Variants in PTPRK observed in about 807,000 individuals in gnomAD.
PTPRK encodes protein tyrosine phosphatase receptor type K.
Under a neutral mutation model 178.0 loss-of-function variants are expected in PTPRK, and 75 were observed. That is an observed-to-expected ratio of 0.42 (90% CI 0.35 to 0.51). The LOEUF (loss-of-function observed/expected upper bound fraction) is 0.51, where lower values mean the gene tolerates loss of function less well. Among genes scored for constraint, PTPRK ranks in the 20% least tolerant of loss-of-function variants. The pLI is 0.02. For missense variants in PTPRK, 1,441 were observed against 1,797.8 expected, an observed-to-expected ratio of 0.80 and a Z score of 3.59; for synonymous variants, 637 against 620.6, an observed-to-expected ratio of 1.03 and a Z score of -0.39.
intron 3 of PTPRK, among the ~76,000 whole-genome samples, chr6:128,276,633 A>G (rs1460933903): frequency 6.6e-6 from 1 of 152,190 alleles, no homozygotes; most frequent in African/African-American, 2.4e-5. Flanking sequence ...GTGATTCAGT[A>G]AAACAATTCC....
At chr6:128,276,334 T>A (rs971374682) in intron 3 of PTPRK, among the ~76,000 whole-genome samples, 22 of 152,138 alleles carry the variant, frequency 1.4e-4, no homozygotes, top group Non-Finnish European at 2.9e-4. Flanking sequence ...ATCATTCTTT[T>A]CTCATTATCC....
At chr6:128,316,709 C>CT (rs11296650) in intron 3 of PTPRK, among the ~76,000 whole-genome samples, 21 of 133,472 alleles carry the variant, frequency 1.6e-4, no homozygotes, top group African/African-American at 3.6e-4. Context: ...TAAGCTTTTT[C>CT]TTTTTTTTTT....
intron 1 of PTPRK, among the ~76,000 whole-genome samples, chr6:128,413,037 A>G (rs551461511): frequency 1.3e-5 from 2 of 152,288 alleles, no homozygotes; most frequent in East Asian, 1.9e-4. Flanking sequence ...TGTGTAATAA[A>G]TATTTTTAAC....
chr6:128,373,554 C>T (rs1044448018), intron 2 of PTPRK, among the ~76,000 whole-genome samples: 5 of 152,158 alleles, frequency 3.3e-5, no homozygotes, highest in Admixed American at 1.3e-4. Flanking sequence ...CAGCCAGCTT[C>T]GAGAACCAGT....
chr6:128,491,721 T>TC (rs1562630284), intron 1 of PTPRK: 1 of 501,308 alleles, frequency 2.0e-6, no homozygotes, highest in South Asian at 1.5e-5. Flanking sequence ...TCATTTTTTT[T>TC]CTCTTGTTAC....
intron 13 of PTPRK, among the ~76,000 whole-genome samples, chr6:128,022,535 G>A (rs1773682335): frequency 1.3e-5 from 2 of 152,200 alleles, no homozygotes; most frequent in African/African-American, 4.8e-5. Context: ...ATTCCTAAAA[G>A]CCAGTTTCTA....
intron 1 of PTPRK, among the ~76,000 whole-genome samples, chr6:128,441,155 A>G (rs1846230451): frequency 6.6e-6 from 1 of 152,218 alleles, no homozygotes; most frequent in African/African-American, 2.4e-5. Flanking sequence ...TATAAGGATT[A>G]TTAAGCCTCA....
intron 1 of PTPRK, among the ~76,000 whole-genome samples, chr6:128,458,258 AG>A (rs757637061): frequency 7.2e-5 from 11 of 152,190 alleles, no homozygotes; most frequent in Non-Finnish European, 1.0e-4. Flanking sequence ...AAAAGGAAAC[AG>A]GGCCAGTATA....
chr6:128,065,381 G>A (rs929832646), intron 12 of PTPRK, among the ~76,000 whole-genome samples: 1 of 152,124 alleles, frequency 6.6e-6, no homozygotes, highest in Non-Finnish European at 1.5e-5. Flanking sequence ...GACAGAGCGG[G>A]TATACAAAGT....
At chr6:128,435,349 G>T (rs181183773) in intron 1 of PTPRK, among the ~76,000 whole-genome samples, 54 of 152,292 alleles carry the variant, frequency 3.5e-4, no homozygotes, top group African/African-American at 1.1e-3. Flanking sequence ...GTCTAAAATT[G>T]TAAGTCAAAT....
chr6:128,277,730 G>A (rs1206980556), intron 3 of PTPRK, among the ~76,000 whole-genome samples: 1 of 152,134 alleles, frequency 6.6e-6, no homozygotes, highest in Non-Finnish European at 1.5e-5. Flanking sequence ...TCAGCAAATG[G>A]CTTAGGTTTG....
At chr6:128,266,060 C>T (rs1818897516) in intron 3 of PTPRK, among the ~76,000 whole-genome samples, 1 of 152,068 alleles carries the variant, frequency 6.6e-6, no homozygotes, top group East Asian at 1.9e-4. Flanking sequence ...TCCCCATCCT[C>T]CAGGACAGTG....
At chr6:128,389,793 A>AG (rs1839299706) in intron 2 of PTPRK, among the ~76,000 whole-genome samples, 1 of 151,950 alleles carries the variant, frequency 6.6e-6, no homozygotes, top group African/African-American at 2.4e-5. Flanking sequence ...ATTAGGACAT[A>AG]TCTAACTTAG....
At chr6:128,197,879 C>T (rs1036292755) in intron 6 of PTPRK, among the ~76,000 whole-genome samples, 2 of 152,098 alleles carry the variant, frequency 1.3e-5, no homozygotes, top group African/African-American at 4.8e-5. Flanking sequence ...CCAGAGAGAC[C>T]TCATGCCTGC....
intron 7 of PTPRK, among the ~76,000 whole-genome samples, chr6:128,138,540 G>A (rs1261557955): frequency 6.6e-6 from 1 of 152,040 alleles, no homozygotes; most frequent in East Asian, 1.9e-4. Context: ...TCCTCTGAAA[G>A]TCTCCTTGGT....
At chr6:128,415,694 C>A (rs1016611472) in intron 1 of PTPRK, among the ~76,000 whole-genome samples, 4 of 152,104 alleles carry the variant, frequency 2.6e-5, no homozygotes, top group Non-Finnish European at 5.9e-5. Context: ...GATAAACAAA[C>A]CCTAATCCAA....
Position 128,082,156 on chromosome 6 carries a change from C to G in PTPRK, c.1777+281G>C, listed in dbSNP as rs144923840. ...CAACTCTTCAAAAGTATCATAAGAT[C>G]TATTAGGATTTATAATGAATTTTGA... On this transcript the variant is annotated intron_variant, in intron 10 of 29. Transcript: ENST00000368226. Among the ~76,000 whole-genome samples the G allele has an allele frequency of 1.9e-4, 29 of 152,032 alleles. No individual in the cohort carries two copies. The East Asian group carries it at 5.2e-3, about 27-fold the overall frequency.
At chr6:128,124,590 C>A (rs948304621) in intron 7 of PTPRK, among the ~76,000 whole-genome samples, 1 of 152,066 alleles carries the variant, frequency 6.6e-6, no homozygotes, top group Non-Finnish European at 1.5e-5. Flanking sequence ...CCTATTCAAA[C>A]CTCTTCTCCT....
Position 127,973,157 on chromosome 6 carries a change from T to C in PTPRK, c.4134A>G (p.Leu1378=), listed in dbSNP as rs1455638658. The C allele has an allele frequency of 5.0e-6, 8 of 1,613,520 alleles. No homozygotes were observed. The highest frequency in any genetic ancestry group is 6.8e-6 in the Non-Finnish European group (8 of 1,179,750). Residue 1378 remains leucine, a splice_region_variant and synonymous_variant, in exon 29 of 30, where the codon CTA becomes CTG. Coordinates refer to ENST00000368226, the MANE Select transcript of PTPRK (RefSeq NM_002844.4). ...EGEGRTIIHC[L]NGGGRSGMFC... Reference sequence around the variant, plus strand: ...ACATGCCACTTCGCCCGCCACCATTTCTGAAAGCAAAGAAAGCAAAGGCAT... The same window carrying C: ...ACATGCCACTTCGCCCGCCACCATTCCTGAAAGCAAAGAAAGCAAAGGCAT...
Sources: allele counts gnomAD v4.1 joint callset (sites outside exome capture counted in the v4.1 genomes callset), GRCh38; gene constraint gnomAD v4.1.1; transcripts MANE v1.5; gene names NCBI Gene and HGNC (gene_info 2026-07-23, HGNC 2026-07-21).